Variants in SNAPC5 observed in about 807,000 individuals in gnomAD.
SNAPC5 encodes the protein small nuclear RNA activating complex polypeptide 5, also known as snRNA-activating protein complex subunit 5.
SNAPC5 carries 12 observed loss-of-function variants against 9.1 expected under a neutral mutation model. That is an observed-to-expected ratio of 1.32 (90% confidence interval 0.85 to 2.15). The LOEUF is 2.15. Ranked by LOEUF, SNAPC5 falls within the 30% of genes most tolerant of loss-of-function variation. The pLI is 0.00. For missense variants in SNAPC5, 132 were observed against 114.4 expected (o/e 1.15, Z -0.70); for synonymous variants, 52 against 47.3 (o/e 1.10, Z -0.41).
chr15:66,497,199 TAGG>T (rs1486373655), intron 1 of SNAPC5, among the ~76,000 whole-genome samples: 1 of 152,136 alleles, frequency 6.6e-6, no homozygotes, highest in African/African-American at 2.4e-5. Flanking sequence ...TGGGAGGATC[TAGG>T]AGTTCCTTCT....
chr15:66,489,902 A>C, downstream of SNAPC5: 1 of 796,562 alleles, frequency 1.3e-6, no homozygotes, highest in South Asian at 1.4e-5. Context: ...GCAGAATACC[A>C]AACACCAGTC....
chr15:66,490,319 G>C (rs760680048), downstream of SNAPC5: 21 of 703,352 alleles, frequency 3.0e-5, no homozygotes, highest in Admixed American at 3.0e-4. Flanking sequence ...CACAGCTGCT[G>C]TGACTGGTGG....
downstream of SNAPC5, chr15:66,490,167 A>G: frequency 1.9e-6 from 1 of 515,104 alleles, no homozygotes; most frequent in Admixed American, 3.2e-5. Context: ...CTGGACAGCC[A>G]TAGACGGTGT....
At chr15:66,495,746 A>T in intron 1 of SNAPC5, among the ~76,000 whole-genome samples, 1 of 149,356 alleles carries the variant, frequency 6.7e-6, no homozygotes, top group East Asian at 2.0e-4. Flanking sequence ...AGAGAGAGAG[A>T]TTCCCTGGAC....
chr15:66,497,403 T>G (rs1278616744), intron 1 of SNAPC5: 2 of 600,324 alleles, frequency 3.3e-6, no homozygotes, highest in Non-Finnish European at 6.0e-6. Flanking sequence ...CACAGATCCC[T>G]GAGCCTCACC....
At chr15:66,490,822 T>C (rs1311700917), downstream of SNAPC5, 23 of 646,574 alleles carry the variant, frequency 3.6e-5, 1 homozygote, top group South Asian at 1.5e-4. Context: ...CCTAAGTGGA[T>C]TGGCTTTGTG....
rs373467209 is a variant in SNAPC5, at chr15:66,494,876, T to C, written c.181-324A>G. 5.5e-5 allele frequency: 18 copies of C among 325,078 alleles called. No homozygotes were observed. In the South Asian group the frequency reaches 7.5e-4, roughly 14 times the overall value. 20.1% of individuals were successfully genotyped at this position (325,078 alleles called of 1,614,324 possible). On this transcript the variant is annotated intron_variant, in intron 2 of 2. Coordinates refer to ENST00000316634, the MANE Select transcript of SNAPC5 (RefSeq NM_001329615.2). ...AAAATCTGGGAGAACTGCTCAAATA[T>C]TGTGTACTTAGATTTTGCTGACTTA... is the stretch of plus-strand genomic sequence containing the variant.
downstream of SNAPC5, chr15:66,491,606 A>G (rs1442048070): frequency 3.2e-5 from 6 of 189,426 alleles, no homozygotes; most frequent in South Asian, 4.1e-4. Flanking sequence ...GGTTTAGCCA[A>G]GCAACACTGG....
chr15:66,490,207 C>T, downstream of SNAPC5: 1 of 555,896 alleles, frequency 1.8e-6, no homozygotes, highest in Non-Finnish European at 3.2e-6. Context: ...CTAAGTCCAT[C>T]ATTTTCTTTG....
At chr15:66,489,852 T>A (rs1404267359), downstream of SNAPC5, 1 of 1,108,052 alleles carries the variant, frequency 9.0e-7, no homozygotes. Context: ...CCAGAGCCCA[T>A]TCATTCCCTG....
intron 1 of SNAPC5, among the ~76,000 whole-genome samples, chr15:66,496,524 CTT>C (rs67040573): frequency 2.5e-4 from 35 of 141,116 alleles, no homozygotes; most frequent in Non-Finnish European, 2.3e-4. Flanking sequence ...CTCCCTGGGA[CTT>C]TTTTTTTTTT....
chr15:66,495,346 G>A lies in SNAPC5; in HGVS notation c.164C>T (p.Pro55Leu), dbSNP rs991301357. ...GDEMLSSHTVPEQSHDMLVHV... is the reference protein window; with the variant it reads ...GDEMLSSHTVLEQSHDMLVHV... The stretch of plus-strand genomic sequence containing the variant: ...TAAGCTTACATCATGTGACTGTTCA[G>A]GTACAGTGTGAGAAGACAGCATCTC... Residue 55 changes from proline to leucine, a missense_variant, in exon 2 of 3, where the codon CCT becomes CTT. Physicochemically the swap from Pro to Leu is moderately conservative, Grantham distance 98. Transcript: ENST00000316634. 6.3e-7 allele frequency: 1 copy of A among 1,587,194 alleles called. No individual in the cohort carries two copies. Among genetic ancestry groups the A allele is most frequent in the Non-Finnish European group, 8.7e-7 (1 of 1,155,420 alleles).
At chr15:66,492,423 C>G (rs2140692633), downstream of SNAPC5, 1 of 154,454 alleles carries the variant, frequency 6.5e-6, no homozygotes, top group East Asian at 1.9e-4. Context: ...ATACTGCTGC[C>G]TAAGCTAGTC....
intron 2 of SNAPC5, 58 bp downstream of exon 2, chr15:66,495,272 G>T (rs1165833414): frequency 1.0e-6 from 1 of 987,812 alleles, no homozygotes; most frequent in Non-Finnish European, 1.6e-6. Context: ...CACCCAAGCA[G>T]CATGGGAGCA....
At chr15:66,496,283 T>C (rs1231392643) in intron 1 of SNAPC5, among the ~76,000 whole-genome samples, 1 of 151,814 alleles carries the variant, frequency 6.6e-6, no homozygotes, top group Admixed American at 6.6e-5. Context: ...TTGGCCAACA[T>C]GGTGAAACCC....
chr15:66,492,774 T>G (rs920817588), downstream of SNAPC5, among the ~76,000 whole-genome samples: 2 of 152,158 alleles, frequency 1.3e-5, no homozygotes, highest in Non-Finnish European at 2.9e-5. Context: ...AGATTCTTAC[T>G]GAGATACCAA....
At chr15:66,497,426 G>C (rs1893473818) in intron 1 of SNAPC5, 1 of 610,270 alleles carries the variant, frequency 1.6e-6, no homozygotes, top group Admixed American at 2.8e-5. Flanking sequence ...AGACTTGCGA[G>C]GTCACGATTC....
At chr15:66,495,033 C>T (rs1567030877) in intron 2 of SNAPC5, 5 of 415,210 alleles carry the variant, frequency 1.2e-5, no homozygotes, top group African/African-American at 6.0e-5. Context: ...GTTTTGACAT[C>T]GTCCTACAAA....
At position 66,494,183 on chromosome 15, in the gene SNAPC5, ACCAGATT is replaced by A. The variant is rs200456146; in HGVS notation, c.*246_*252del. On this transcript the variant is annotated 3_prime_UTR_variant, in exon 3 of 3. Transcript: ENST00000316634. ...TGTTCTGAACAGTTAACTGAATCTGACCAGATTACAGACAGCACCACCCATATTACTC... is the reference window on the plus strand; with the variant it reads ...TGTTCTGAACAGTTAACTGAATCTGAACAGACAGCACCACCCATATTACTC... 1 of 361,156 alleles carries A rather than the reference ACCAGATT, an allele frequency of 2.8e-6. No individual in the cohort carries two copies. Among genetic ancestry groups the A allele is most frequent in the Non-Finnish European group, 5.0e-6 (1 of 199,058 alleles). The allele number at this position is 361,156 out of a possible 1,614,324, so 22.4% of individuals were successfully genotyped here.
Sources: allele counts gnomAD v4.1 joint callset (sites outside exome capture counted in the v4.1 genomes callset), GRCh38; gene constraint gnomAD v4.1.1; transcripts MANE v1.5; gene names NCBI Gene and HGNC (gene_info 2026-07-23, HGNC 2026-07-21).